FILIP1L: variants seen among roughly 807,000 people sequenced by gnomAD.
FILIP1L encodes filamin A-interacting protein 1-like.
A neutral mutation model predicts 96.6 loss-of-function variants in FILIP1L; 55 were observed. The observed-to-expected ratio is 0.57, with a 90% CI of 0.46 to 0.71. The LOEUF (loss-of-function observed/expected upper bound fraction) is 0.71, where lower values mean the gene tolerates loss of function less well. FILIP1L is among the 30% of genes least tolerant of loss of function. The probability of loss-of-function intolerance (pLI) is 0.00; values close to 1 mark genes in which losing one functional copy is unlikely to be tolerated. For synonymous variants in FILIP1L, 467 were observed against 473.9 expected, an observed-to-expected ratio of 0.99 and a Z score of 0.19; for missense variants, 1,304 against 1,321.2, an observed-to-expected ratio of 0.99 and a Z score of 0.20.
intron 4 of FILIP1L, among the ~76,000 whole-genome samples, chr3:99,888,295 G>A (rs1175196117): frequency 6.6e-6 from 1 of 152,048 alleles, no homozygotes; most frequent in African/African-American, 2.4e-5. Flanking sequence ...GAACCTGGAA[G>A]GTTGAGGCTA....
intron 1 of FILIP1L, among the ~76,000 whole-genome samples, chr3:100,106,238 T>C (rs1222306625): frequency 6.6e-6 from 1 of 152,034 alleles, no homozygotes; most frequent in Non-Finnish European, 1.5e-5. Context: ...TGAGCAGAGG[T>C]GCAAGCTTCC....
chr3:99,991,358 G>A (rs988941246), intron 1 of FILIP1L, among the ~76,000 whole-genome samples: 7 of 152,214 alleles, frequency 4.6e-5, no homozygotes, highest in African/African-American at 1.7e-4. Context: ...GAGGTTTTAG[G>A]AGTAATAATA....
At chr3:100,021,016 T>C (rs9853823) in intron 1 of FILIP1L, among the ~76,000 whole-genome samples, 31,984 of 152,152 alleles carry the variant, frequency 0.21, 3,496 homozygotes, top group South Asian at 0.26. Flanking sequence ...CTGCCCGCCT[T>C]GGCCTCGCAA....
intron 5 of FILIP1L, among the ~76,000 whole-genome samples, chr3:99,846,509 A>G (rs2107516470): frequency 6.6e-6 from 1 of 152,352 alleles, no homozygotes; most frequent in Admixed American, 6.5e-5. Context: ...AAACAGTTTT[A>G]ATAAACATTT....
chr3:99,862,800 T>A (rs755929424), intron 4 of FILIP1L, among the ~76,000 whole-genome samples: 5 of 152,364 alleles, frequency 3.3e-5, no homozygotes, highest in Non-Finnish European at 7.3e-5. Flanking sequence ...GTATTTGGGA[T>A]CAGCCACTGT....
intron 1 of FILIP1L, among the ~76,000 whole-genome samples, chr3:100,053,452 T>C (rs1483836603): frequency 6.6e-6 from 1 of 152,192 alleles, no homozygotes; most frequent in Non-Finnish European, 1.5e-5. Flanking sequence ...CTTTACATAG[T>C]TGTCTTCCCT....
chr3:99,837,542 T>C (rs552341735), intron 5 of FILIP1L, among the ~76,000 whole-genome samples: 1 of 152,262 alleles, frequency 6.6e-6, no homozygotes, highest in East Asian at 1.9e-4. Flanking sequence ...TGCAGATTAT[T>C]GTATTGTGAG....
At chr3:99,928,995 A>T (rs1707385163) in intron 3 of FILIP1L, among the ~76,000 whole-genome samples, 1 of 152,222 alleles carries the variant, frequency 6.6e-6, no homozygotes, top group African/African-American at 2.4e-5. Context: ...TAGCAAGGAC[A>T]TTAGAGGTCA....
chr3:99,929,806 G>T, intron 3 of FILIP1L, 50 bp downstream of exon 3: 1 of 1,385,004 alleles, frequency 7.2e-7, no homozygotes, highest in Non-Finnish European at 9.9e-7. Flanking sequence ...TCATCTGCAG[G>T]GCTAGTGCTT....
chr3:100,037,956 T>TTTTTG (rs1491209575), intron 1 of FILIP1L, among the ~76,000 whole-genome samples: 220 of 87,824 alleles, frequency 2.5e-3, no homozygotes, highest in African/African-American at 6.4e-3. Flanking sequence ...TTTTTTTTTT[T>TTTTTG]GGGGGGGGAG....
At chr3:100,022,946 C>T (rs139270148) in intron 1 of FILIP1L, among the ~76,000 whole-genome samples, 2 of 152,334 alleles carry the variant, frequency 1.3e-5, no homozygotes, top group African/African-American at 4.8e-5. Flanking sequence ...TGCACCATAA[C>T]CATTGCAAAG....
chr3:99,893,134 A>G (rs1392224068), intron 4 of FILIP1L, among the ~76,000 whole-genome samples: 2 of 119,416 alleles, frequency 1.7e-5, no homozygotes, highest in African/African-American at 3.1e-5. Context: ...AGGTATCTCT[A>G]TTTCCAGTAA....
intron 4 of FILIP1L, among the ~76,000 whole-genome samples, chr3:99,890,273 T>C (rs1027364376): frequency 2.6e-5 from 4 of 152,128 alleles, no homozygotes; most frequent in Non-Finnish European, 5.9e-5. Context: ...CTGGCTGTTT[T>C]TATGATCTTC....
intron 1 of FILIP1L, among the ~76,000 whole-genome samples, chr3:99,938,081 G>GCA (rs1559696173): frequency 6.6e-5 from 10 of 152,002 alleles, no homozygotes; most frequent in African/African-American, 2.4e-4. Context: ...GTGTGCGCGC[G>GCA]CGCGCGCGCG....
chr3:100,040,877 G>A (rs2107290121), intron 1 of FILIP1L: 1 of 152,250 alleles, frequency 6.6e-6, no homozygotes, highest in South Asian at 2.1e-4. Context: ...CTTGAGCCTG[G>A]ATTATGCATT....
intron 1 of FILIP1L, among the ~76,000 whole-genome samples, chr3:99,936,675 C>T (rs1030597968): frequency 6.7e-6 from 1 of 150,170 alleles, no homozygotes; most frequent in Non-Finnish European, 1.5e-5. Flanking sequence ...GCCCAGCCCG[C>T]TTGAAGCCTT....
At chr3:99,843,167 T>G (rs1051904886) in intron 5 of FILIP1L, among the ~76,000 whole-genome samples, 1 of 152,238 alleles carries the variant, frequency 6.6e-6, no homozygotes, top group Non-Finnish European at 1.5e-5. Flanking sequence ...TTTTGGTTCA[T>G]CTAACTGCCT....
At chr3:99,997,720 A>G (rs1292277167) in intron 1 of FILIP1L, among the ~76,000 whole-genome samples, 1 of 152,212 alleles carries the variant, frequency 6.6e-6, no homozygotes, top group African/African-American at 2.4e-5. Context: ...GTAGTTTAAA[A>G]CTTTGTACAC....
At chr3:100,022,922 G>A (rs2064851995) in intron 1 of FILIP1L, among the ~76,000 whole-genome samples, 1 of 152,188 alleles carries the variant, frequency 6.6e-6, no homozygotes, top group African/African-American at 2.4e-5. Flanking sequence ...TTTGGCTGAA[G>A]ATCTGACACT....
Sources: gnomAD v4.1 joint callset for allele counts (sites outside exome capture counted in the v4.1 genomes callset) on GRCh38, gnomAD v4.1.1 for gene constraint, MANE v1.5 for transcripts, NCBI Gene and HGNC (gene_info 2026-07-23, HGNC 2026-07-21) for gene names.